PGAP2: variants seen among roughly 807,000 people sequenced by gnomAD.
PGAP2 encodes acyltransferase PGAP2.
PGAP2 carries 21 observed loss-of-function variants against 33.2 expected under a neutral mutation model. The ratio of observed to expected loss-of-function variants is 0.63; its 90% CI spans 0.45 to 0.91. The LOEUF (loss-of-function observed/expected upper bound fraction) is 0.91, where lower values mean the gene tolerates loss of function less well. Among genes scored for constraint, PGAP2 ranks in the 40% least tolerant of loss-of-function variants. The pLI, the probability that PGAP2 is intolerant of heterozygous loss-of-function variation, is 0.00. For missense variants in PGAP2, 345 were observed against 424.0 expected, an observed-to-expected ratio of 0.81 and a Z score of 1.64; for synonymous variants, 161 against 172.9, an observed-to-expected ratio of 0.93 and a Z score of 0.54.
In PGAP2 at chr11:3,823,949, C is replaced by T. The variant is rs772273646; in HGVS notation, c.415C>T (p.Arg139Cys). ...GGEVPQRYVW[R>C]FCIGLHSAPR... ...GGAGGTGCCCCAGCGCTACGTGTGG[C>T]GTTTCTGCATCGGCCTGCACTCGGC... Residue 139 changes from arginine (R) to cysteine (C), a missense_variant, in exon 4 of 7, where the codon CGT becomes TGT. Physicochemically the swap from Arg to Cys is radical, Grantham distance 180 (BLOSUM62 -3). Around this residue, in one of 2 missense-constraint regions of PGAP2, gnomAD observed 311 missense variants for 353.6 expected, o/e 0.88. Coordinates refer to ENST00000278243, the MANE Select transcript of PGAP2 (RefSeq NM_014489.4). 12 of 1,608,082 alleles carry T rather than the reference C, an allele frequency of 7.5e-6. No individual in the cohort carries two copies. The Admixed American group carries it at 1.3e-4, about 18-fold the overall frequency.
In PGAP2 at chr11:3,823,950, G is replaced by C; in HGVS notation, c.416G>C (p.Arg139Pro). 6.2e-7 allele frequency: 1 copy of C among 1,608,626 alleles called. No homozygotes were observed. The highest frequency in any genetic ancestry group is 2.2e-5 in the East Asian group (1 of 44,854). The change falls in exon 4 of 7, where the codon CGT (arginine) becomes CCT (proline). Residue 139 changes from arginine to proline, a missense_variant. Around this residue, in one of 2 missense-constraint regions of PGAP2, gnomAD observed 311 missense variants for 353.6 expected, o/e 0.88. Transcript: ENST00000278243. Reference protein sequence around the residue: ...GGEVPQRYVWRFCIGLHSAPR... With the variant: ...GGEVPQRYVWPFCIGLHSAPR... The stretch of plus-strand genomic sequence containing the variant: ...GAGGTGCCCCAGCGCTACGTGTGGC[G>C]TTTCTGCATCGGCCTGCACTCGGCG...
chr11:3,800,624 A>G (rs2083298356), intron 1 of PGAP2, among the ~76,000 whole-genome samples: 1 of 151,738 alleles, frequency 6.6e-6, no homozygotes, highest in Non-Finnish European at 1.5e-5. Flanking sequence ...AGCCTGGCTA[A>G]CAGAAGGAAA....
At position 3,808,729 on chromosome 11, in the gene PGAP2, G is replaced by A. The variant is rs553002348; in HGVS notation, c.-11+78G>A. 5 of 753,354 alleles carry A rather than the reference G, an allele frequency of 6.6e-6. No individual in the cohort carries two copies. The Admixed American group carries it at 1.7e-4, about 26-fold the overall frequency. 46.7% of individuals were successfully genotyped at this position (753,354 alleles called of 1,614,324 possible). On this transcript the variant is annotated intron_variant, in intron 1 of 6. Transcript: ENST00000278243. ...TGGCCGCGCGGTCTGGCCTCTGCAG[G>A]GCCGGGCCCCACGCTGTGGGAGTCC... is the stretch of plus-strand genomic sequence containing the variant.
chr11:3,816,303 T>G (rs2086998358), intron 2 of PGAP2: 1 of 152,678 alleles, frequency 6.5e-6, no homozygotes, highest in African/African-American at 2.4e-5. Context: ...GTCTCCTTAG[T>G]GGAGGGAAGT....
chr11:3,825,742 AGG>A lies in PGAP2; in HGVS notation c.*285_*286del. Reference sequence around the variant, plus strand: ...TGGTGCTAAAAAAAAAAACGTCCTGAGGTTCATGACCACCATCCAGTTTCTGG... The same window carrying A: ...TGGTGCTAAAAAAAAAAACGTCCTGATTCATGACCACCATCCAGTTTCTGG... On this transcript the variant is annotated 3_prime_UTR_variant, in exon 7 of 7. Transcript: ENST00000278243. 6.9e-6 allele frequency: 2 copies of A among 288,512 alleles called. No individual in the cohort carries two copies. Among genetic ancestry groups the A allele is most frequent in the African/African-American group, 2.2e-5 (1 of 46,198 alleles). 17.9% of individuals were successfully genotyped at this position (288,512 alleles called of 1,614,324 possible).
At chr11:3,823,740 G>A in intron 3 of PGAP2, 143 bp from the exon 4 acceptor site, 1 of 1,598,600 alleles carries the variant, frequency 6.3e-7, no homozygotes, top group Non-Finnish European at 8.5e-7. Context: ...TTTTGGGAGA[G>A]GTATGGGGAC....
At chr11:3,798,149 C>T in intron 1 of PGAP2, 1 of 1,434,532 alleles carries the variant, frequency 7.0e-7, no homozygotes, top group Non-Finnish European at 9.1e-7. Context: ...GGCCCTAAAT[C>T]CTGACCCTAT....
At chr11:3,813,414 C>T (rs527333790) in intron 2 of PGAP2, among the ~76,000 whole-genome samples, 1 of 151,726 alleles carries the variant, frequency 6.6e-6, no homozygotes, top group Admixed American at 6.6e-5. Flanking sequence ...GATGGGGTCT[C>T]GCCATGTTGC....
chr11:3,801,677 G>C lies in PGAP2; in HGVS notation c.139+3695G>C, dbSNP rs371963711. ...AAAAAAAAAGTTTCCGGGCACGGGGGCTCACTCCTGTAATCCCAGCACTTT... is the reference window on the plus strand; with the variant it reads ...AAAAAAAAAGTTTCCGGGCACGGGGCCTCACTCCTGTAATCCCAGCACTTT... On this transcript the variant is annotated intron_variant, in intron 1 of 6. Transcript: ENST00000300730. Among the ~76,000 whole-genome samples the C allele has an allele frequency of 5.7e-3, 862 of 150,650 alleles. 5 individuals are homozygous for C. Among genetic ancestry groups the C allele is most frequent in the Non-Finnish European group, 8.3e-3 (561 of 67,698 alleles).
chr11:3,797,832 G>A, exon 1 of PGAP2: 2 of 1,550,112 alleles, frequency 1.3e-6, no homozygotes, highest in Non-Finnish European at 1.7e-6. Flanking sequence ...GCCTCTCGAA[G>A]TGGGCTTGTG....
rs1388086581 is a variant in PGAP2, at chr11:3,811,075, C to A, written c.-10-175C>A. 6.6e-6 allele frequency among the ~76,000 whole-genome samples: 1 copy of A among 152,192 alleles called. No homozygotes were observed. Among genetic ancestry groups the A allele is most frequent in the Non-Finnish European group, 1.5e-5 (1 of 68,032 alleles). ...TGAGGTGGAATGTTGTCTTGGGATT[C>A]TGAGTCAGTCTTCCTCATCCAGGGC... On this transcript the variant is annotated intron_variant, in intron 1 of 6. Coordinates refer to ENST00000278243, the MANE Select transcript of PGAP2 (RefSeq NM_014489.4). The surrounding 1 kb of genome is among the most constrained non-coding windows in gnomAD (Gnocchi z 4.6).
chr11:3,813,715 T>G (rs1393736814), intron 2 of PGAP2, among the ~76,000 whole-genome samples: 1 of 152,066 alleles, frequency 6.6e-6, no homozygotes, highest in Admixed American at 6.5e-5. Context: ...TGATTAAGAC[T>G]CCCTAGCCCA....
At chr11:3,814,818 CTTTCTTTT>C (rs1353505622) in intron 2 of PGAP2, among the ~76,000 whole-genome samples, 26 of 128,112 alleles carry the variant, frequency 2.0e-4, no homozygotes, top group African/African-American at 6.6e-4. Context: ...CTTTCTCTTT[CTTTCTTTT>C]TTTCTTTTTT....
At chr11:3,820,277 C>T (rs2088225477) in intron 3 of PGAP2, among the ~76,000 whole-genome samples, 1 of 152,218 alleles carries the variant, frequency 6.6e-6, no homozygotes, top group African/African-American at 2.4e-5. Flanking sequence ...GGCCATGTAG[C>T]TCACAGCGTT....
chr11:3,811,924 G>GTTA lies in PGAP2; in HGVS notation c.165+501_165+502insTAT, dbSNP rs1416386594. Among the ~76,000 whole-genome samples, 3 of 152,262 alleles carry GTTA rather than the reference G, an allele frequency of 2.0e-5. No individual in the cohort carries two copies. The East Asian group carries it at 5.8e-4, about 29-fold the overall frequency. On this transcript the variant is annotated intron_variant, in intron 2 of 6. Coordinates refer to ENST00000278243, the MANE Select transcript of PGAP2 (RefSeq NM_014489.4). This position sits in a 1 kb window ranked among gnomAD's most constrained non-coding sequence, Gnocchi z 4.6. ...CCTGTCTCTGTAGGAATGTGACTCA[G>GTTA]TATATGTGTGTGTGATTGTGAGGGT...
chr11:3,806,419 C>A (rs2084351523), upstream of PGAP2, among the ~76,000 whole-genome samples: 3 of 152,232 alleles, frequency 2.0e-5, no homozygotes, highest in South Asian at 6.2e-4. Context: ...GTTTTTAGAA[C>A]AAGACACTCT....
rs557192909 is a variant in PGAP2, at chr11:3,812,734, G to A, written c.165+1310G>A. On this transcript the variant is annotated intron_variant, in intron 2 of 6. Transcript: ENST00000278243. ...GCATCTGCTTCAGAGAAATGGCTAGGATTAGCAGTGGGGTCTAGCTGTGAG... is the reference window on the plus strand; with the variant it reads ...GCATCTGCTTCAGAGAAATGGCTAGAATTAGCAGTGGGGTCTAGCTGTGAG... Among the ~76,000 whole-genome samples, 19 of 152,316 alleles carry A rather than the reference G, an allele frequency of 1.2e-4. No homozygotes were observed. In the South Asian group the frequency reaches 3.9e-3, roughly 32 times the overall value.
In PGAP2 at chr11:3,808,593, C is replaced by T. The variant is rs1177120637; in HGVS notation, c.-69C>T. 3.0e-6 allele frequency: 4 copies of T among 1,347,332 alleles called. No individual in the cohort carries two copies. The highest frequency in any genetic ancestry group is 3.0e-5 in the African/African-American group (2 of 65,788). The allele number at this position is 1,347,332 out of a possible 1,614,324, so 83.5% of individuals were successfully genotyped here. On this transcript the variant is annotated 5_prime_UTR_variant, in exon 1 of 7. Coordinates refer to ENST00000278243, the MANE Select transcript of PGAP2 (RefSeq NM_014489.4). ...TCTGACCAGCCCGCAGAGCCAGCCCCCGACCCCGGGCCACCTGGGCCCCCG... is the reference window on the plus strand; with the variant it reads ...TCTGACCAGCCCGCAGAGCCAGCCCTCGACCCCGGGCCACCTGGGCCCCCG...
chr11:3,801,743 A>G (rs1444598206), intron 1 of PGAP2, among the ~76,000 whole-genome samples: 8 of 151,674 alleles, frequency 5.3e-5, no homozygotes, highest in Non-Finnish European at 8.8e-5. Context: ...TCAGGAGTTC[A>G]AGACCAGCCT....
Sources: gnomAD v4.1 joint callset for allele counts (sites outside exome capture counted in the v4.1 genomes callset) on GRCh38, gnomAD v4.1.1 for gene constraint, gnomAD v4.1.1 regional missense constraint, Gnocchi (gnomAD v3.1) non-coding constraint, MANE v1.5 for transcripts, NCBI Gene and HGNC (gene_info 2026-07-23, HGNC 2026-07-21) for gene names.